The following KCNMA1 variants were observed in gnomAD, a reference collection of about 807,000 sequenced individuals.
KCNMA1 encodes the protein potassium calcium-activated channel subfamily M alpha 1.
Under a neutral mutation model 140.0 loss-of-function variants are expected in KCNMA1, and 29 were observed. The observed-to-expected ratio is 0.21, with a 90% CI of 0.15 to 0.28. The LOEUF is 0.28. Ranked by LOEUF, KCNMA1 falls within the 10% of genes least tolerant of loss-of-function variation. The probability of loss-of-function intolerance (pLI) is 1.00; values close to 1 mark genes in which losing one functional copy is unlikely to be tolerated. For missense variants in KCNMA1, 880 were observed against 1,602.2 expected (o/e 0.55, Z 7.70); for synonymous variants, 612 against 611.9 (o/e 1.00, Z 0.00).
intron 2 of KCNMA1, among the ~76,000 whole-genome samples, chr10:77,340,156 A>T (rs1435680379): frequency 1.3e-5 from 2 of 152,192 alleles, no homozygotes; most frequent in Non-Finnish European, 2.9e-5. Flanking sequence ...TCAAAACCAC[A>T]ATGAGATACC....
chr10:77,009,817 G>C (rs2090261172), intron 18 of KCNMA1, among the ~76,000 whole-genome samples: 1 of 152,090 alleles, frequency 6.6e-6, no homozygotes, highest in African/African-American at 2.4e-5. Flanking sequence ...AGGCCTTCCT[G>C]ACCTTCCAAG....
chr10:77,018,944 G>A, intron 17 of KCNMA1, 69 bp downstream of exon 17: 1 of 866,226 alleles, frequency 1.2e-6, no homozygotes, highest in South Asian at 1.3e-5. Context: ...ATGGAAGCCT[G>A]CCTACTTCCG....
chr10:76,911,196 TTC>T (rs2050050246), intron 24 of KCNMA1: 1 of 121,908 alleles, frequency 8.2e-6, no homozygotes, highest in Non-Finnish European at 1.6e-5. Flanking sequence ...TTGATAACTC[TTC>T]TTTTTTAAAA....
intron 23 of KCNMA1, among the ~76,000 whole-genome samples, chr10:76,923,802 G>C (rs2056790078): frequency 6.6e-6 from 1 of 152,020 alleles, no homozygotes. Context: ...GAGCAACATG[G>C]TGAAACCTCG....
intron 5 of KCNMA1, among the ~76,000 whole-genome samples, chr10:77,151,320 G>C (rs1176020608): frequency 8.6e-6 from 1 of 116,824 alleles, no homozygotes; most frequent in African/African-American, 3.4e-5. Context: ...TCCACCTCCT[G>C]GGTTCAAGTG....
chr10:77,097,937 C>T (rs2096977627), intron 9 of KCNMA1, among the ~76,000 whole-genome samples: 1 of 152,200 alleles, frequency 6.6e-6, no homozygotes, highest in African/African-American at 2.4e-5. Flanking sequence ...GCAGCAAAGG[C>T]ACCTCTAAAG....
chr10:77,406,678 C>T (rs1022499295), intron 1 of KCNMA1, among the ~76,000 whole-genome samples: 2 of 152,170 alleles, frequency 1.3e-5, no homozygotes, highest in African/African-American at 4.8e-5. Context: ...CTCTCCTGGC[C>T]TCTCCCTTCA....
At chr10:76,977,433 A>T in intron 19 of KCNMA1, 1 of 640,286 alleles carries the variant, frequency 1.6e-6, no homozygotes, top group Non-Finnish European at 2.8e-6. Context: ...CCATAGCCAC[A>T]GTTGTTGGTT....
intron 1 of KCNMA1, among the ~76,000 whole-genome samples, chr10:77,622,218 T>C (rs994106244): frequency 2.0e-5 from 3 of 152,200 alleles, no homozygotes; most frequent in African/African-American, 2.4e-5. Flanking sequence ...GGAATTGACA[T>C]ACCTGAGAAT....
At chr10:76,971,306 T>C (rs954302131) in intron 19 of KCNMA1, among the ~76,000 whole-genome samples, 1 of 152,056 alleles carries the variant, frequency 6.6e-6, no homozygotes, top group Non-Finnish European at 1.5e-5. Context: ...GAGTCTTAGA[T>C]GGGGGAGAAA....
At chr10:77,607,283 G>C (rs768417363) in intron 1 of KCNMA1, among the ~76,000 whole-genome samples, 2 of 152,158 alleles carry the variant, frequency 1.3e-5, no homozygotes, top group Non-Finnish European at 2.9e-5. Context: ...GGACTAGACC[G>C]ATCTTCCTAC....
chr10:77,519,581 A>T (rs190953647), intron 1 of KCNMA1, among the ~76,000 whole-genome samples: 2 of 152,302 alleles, frequency 1.3e-5, no homozygotes, highest in East Asian at 3.9e-4. Context: ...AAAGAGTATT[A>T]ATATCACGGC....
At chr10:77,186,453 T>C (rs1207504484) in intron 3 of KCNMA1, among the ~76,000 whole-genome samples, 1 of 151,772 alleles carries the variant, frequency 6.6e-6, no homozygotes, top group East Asian at 1.9e-4. Flanking sequence ...ATTTGGTTAG[T>C]CCAATGCTGA....
intron 2 of KCNMA1, among the ~76,000 whole-genome samples, chr10:77,261,162 A>G (rs1188321751): frequency 1.3e-5 from 2 of 152,192 alleles, no homozygotes; most frequent in Non-Finnish European, 2.9e-5. Flanking sequence ...CAAAGTGACT[A>G]TAAATACATA....
intron 9 of KCNMA1, among the ~76,000 whole-genome samples, chr10:77,103,311 G>A (rs1328365496): frequency 6.6e-6 from 1 of 152,174 alleles, no homozygotes; most frequent in Non-Finnish European, 1.5e-5. Context: ...TCCCTCCAGC[G>A]GGATACAGGC....
At chr10:77,269,502 T>C (rs1016108217) in intron 2 of KCNMA1, among the ~76,000 whole-genome samples, 4 of 152,152 alleles carry the variant, frequency 2.6e-5, no homozygotes, top group African/African-American at 9.7e-5. Context: ...CATTCAGAGT[T>C]TTTAAAACCT....
intron 1 of KCNMA1, among the ~76,000 whole-genome samples, chr10:77,606,719 G>C (rs1175566827): frequency 6.6e-6 from 1 of 152,130 alleles, no homozygotes; most frequent in Non-Finnish European, 1.5e-5. Context: ...GGGAGCCAAG[G>C]ATGCAGCTTC....
intron 1 of KCNMA1, among the ~76,000 whole-genome samples, chr10:77,526,231 T>C (rs75178417): frequency 7.5e-4 from 115 of 152,336 alleles, no homozygotes; most frequent in East Asian, 6.9e-3. Flanking sequence ...TAGTGGAGCC[T>C]TTCCTCCCCC....
At chr10:76,928,109 C>T (rs536158248) in intron 23 of KCNMA1, among the ~76,000 whole-genome samples, 4 of 152,060 alleles carry the variant, frequency 2.6e-5, no homozygotes, top group South Asian at 2.1e-4. Flanking sequence ...GATGGGAGGA[C>T]GGGAAAATTG....
Sources: gnomAD v4.1 joint callset for allele counts (sites outside exome capture counted in the v4.1 genomes callset) on GRCh38, gnomAD v4.1.1 for gene constraint, MANE v1.5 for transcripts, NCBI Gene and HGNC (gene_info 2026-07-23, HGNC 2026-07-21) for gene names.